Variants in CPNE7 observed in about 807,000 individuals in gnomAD.
CPNE7 encodes the protein copine 7, also known as copine-7.
Under a neutral mutation model 66.5 loss-of-function variants are expected in CPNE7, and 78 were observed. The ratio of observed to expected loss-of-function variants is 1.17; its 90% confidence interval spans 0.98 to 1.42. The LOEUF is 1.42. CPNE7 is among the 40% of genes most tolerant of loss of function. The pLI is 0.00. For synonymous variants in CPNE7, 468 were observed against 336.7 expected (o/e 1.39, Z -4.27); for missense variants, 1,012 against 776.6 (o/e 1.30, Z -3.60).
Position 89,576,005 on chromosome 16 carries a change from C to A in CPNE7, c.108C>A (p.Arg36=). ...LRLSCRHLLD[R]DPLTKSDPSV... Reference sequence around the variant, plus strand: ...TCAGCTGCCGGCACCTGCTGGACCGCGACCCGCTCACCAAGTCCGACCCCA... The same window carrying A: ...TCAGCTGCCGGCACCTGCTGGACCGAGACCCGCTCACCAAGTCCGACCCCA... The change falls in exon 1 of 15, where the codon CGC becomes CGA. Residue 36 remains arginine, a synonymous_variant. Transcript: ENST00000319518. 1 of 1,375,390 alleles carries A rather than the reference C, an allele frequency of 7.3e-7. No homozygotes were observed. The highest frequency in any genetic ancestry group is 9.4e-7 in the Non-Finnish European group (1 of 1,063,576). 85.2% of individuals were successfully genotyped at this position (1,375,390 alleles called of 1,614,324 possible).
At chr16:89,588,840 T>C (rs747662738) in intron 10 of CPNE7, 32 bp downstream of exon 10, 1 of 1,607,510 alleles carries the variant, frequency 6.2e-7, no homozygotes, top group East Asian at 2.2e-5. Context: ...CACCCCCTGG[T>C]CTCCAGGTCA....
At chr16:89,583,997 C>A in intron 3 of CPNE7, 31 bp from the exon 4 acceptor site, 1 of 1,610,040 alleles carries the variant, frequency 6.2e-7, no homozygotes, top group Non-Finnish European at 8.5e-7. Context: ...CCCACCTGGC[C>A]AAGCCTGGAG....
At chr16:89,587,601 C>T (rs2059075737) in intron 9 of CPNE7, 1 of 454,874 alleles carries the variant, frequency 2.2e-6, no homozygotes, top group African/African-American at 2.0e-5. Flanking sequence ...TTGAGTGAAC[C>T]AGCCACAGTC....
At chr16:89,577,310 C>G (rs1436546299) in intron 1 of CPNE7, among the ~76,000 whole-genome samples, 2 of 152,170 alleles carry the variant, frequency 1.3e-5, no homozygotes, top group African/African-American at 4.8e-5. Flanking sequence ...GTGAGCCTCA[C>G]TTTCCCCATC....
chr16:89,576,568 G>C (rs1405599039), intron 1 of CPNE7, among the ~76,000 whole-genome samples: 1 of 152,192 alleles, frequency 6.6e-6, no homozygotes, highest in South Asian at 2.1e-4. Context: ...CGCTGTGATC[G>C]CGGTTGGGGT....
intron 2 of CPNE7, 103 bp from the exon 3 acceptor site, chr16:89,583,594 G>A (rs1296260248): frequency 1.2e-6 from 2 of 1,605,656 alleles, no homozygotes; most frequent in South Asian, 1.1e-5. Flanking sequence ...GGGGGATGGG[G>A]AGACAGGACA....
intron 1 of CPNE7, 132 bp from the exon 2 acceptor site, chr16:89,577,407 G>T (rs1350758438): frequency 1.1e-6 from 1 of 892,626 alleles, no homozygotes; most frequent in East Asian, 2.7e-5. Flanking sequence ...ACAGAGAGCA[G>T]GCAGGAGGTC....
At chr16:89,593,132 G>A (rs930769618) in intron 13 of CPNE7, among the ~76,000 whole-genome samples, 2 of 151,774 alleles carry the variant, frequency 1.3e-5, no homozygotes, top group Non-Finnish European at 2.9e-5. Context: ...CCATTTTATT[G>A]TATCCAGTTC....
Position 89,577,567 on chromosome 16 carries a change from G to C in CPNE7, c.203G>C (p.Ser68Thr), listed in dbSNP as rs1427495708. 1 of 1,552,320 alleles carries C rather than the reference G, an allele frequency of 6.4e-7. No homozygotes were observed. Among genetic ancestry groups the C allele is most frequent in the South Asian group, 1.2e-5 (1 of 84,100 alleles). Residue 68 changes from serine to threonine, a missense_variant, in exon 2 of 15, where the codon AGC (serine) becomes ACC (threonine). Ser to Thr is a moderately conservative substitution (Grantham distance 58). Coordinates refer to ENST00000319518, the MANE Select transcript of CPNE7 (RefSeq NM_153636.3). ...QVGRTEVVRSSLHPVFSKVFT... is the reference protein window; with the variant it reads ...QVGRTEVVRSTLHPVFSKVFT... The stretch of plus-strand genomic sequence containing the variant: ...GGCAGAACCGAGGTGGTCCGGAGCA[G>C]CCTGCATCCCGTGTTCTCCAAGGTC...
intron 2 of CPNE7, among the ~76,000 whole-genome samples, chr16:89,579,447 C>T (rs1052359954): frequency 1.3e-5 from 2 of 151,978 alleles, no homozygotes; most frequent in Non-Finnish European, 2.9e-5. Context: ...TCACCCCTCA[C>T]ACGGAACATC....
At chr16:89,578,403 C>T (rs1289068498) in intron 2 of CPNE7, among the ~76,000 whole-genome samples, 1 of 152,126 alleles carries the variant, frequency 6.6e-6, no homozygotes, top group African/African-American at 2.4e-5. Context: ...ATTACGTTCC[C>T]TGTTCTGCAT....
rs1204550957 is a variant in CPNE7, at chr16:89,584,145, G to A, written c.507+43G>A. The stretch of plus-strand genomic sequence containing the variant: ...GCACGCCTGGCTCAGGCTGAGGTCC[G>A]GGAACCGGTTCGAAAACCCGGTCCC... On this transcript the variant is annotated intron_variant, in intron 4 of 14. Transcript: ENST00000319518. The surrounding 1 kb of genome is among the most constrained non-coding windows in gnomAD (Gnocchi z 6.0). 8.2e-6 allele frequency: 13 copies of A among 1,582,372 alleles called. No individual in the cohort carries two copies. The highest frequency in any genetic ancestry group is 1.7e-4 in the Middle Eastern group (1 of 5,936).
In CPNE7 at chr16:89,586,609, G is replaced by T. The variant is rs115792061; in HGVS notation, c.781-61G>T. On this transcript the variant is annotated intron_variant, in intron 7 of 14. Coordinates refer to ENST00000319518, the MANE Select transcript of CPNE7 (RefSeq NM_153636.3). ...GCTATTGGGGATGGTCTTGGGTAGGGTCTCCCTGGTAGGTGTTCAGAGCCA... is the reference window on the plus strand; with the variant it reads ...GCTATTGGGGATGGTCTTGGGTAGGTTCTCCCTGGTAGGTGTTCAGAGCCA... 1.1e-3 allele frequency: 1,601 copies of T among 1,395,520 alleles called. 9 individuals carry two copies. The African/African-American group carries it at 0.021, about 18-fold the overall frequency. The allele number at this position is 1,395,520 out of a possible 1,614,324, so 86.4% of individuals were successfully genotyped here.
At position 89,577,619 on chromosome 16, in the gene CPNE7, G is replaced by A. The variant is rs1383318054; in HGVS notation, c.255G>A (p.Glu85=). Residue 85 remains glutamate (E), a synonymous_variant, in exon 2 of 15, where the codon GAG becomes GAA. Coordinates refer to ENST00000319518, the MANE Select transcript of CPNE7 (RefSeq NM_153636.3). The stretch of plus-strand genomic sequence containing the variant: ...TCACGGTGGACTACTACTTCGAGGA[G>A]GTGCAGAGGCTGCGCTTTGAGGTGT... ...KVFTVDYYFE[E]VQRLRFEVYD... is the part of the protein sequence containing the mutation. 2.5e-6 allele frequency: 4 copies of A among 1,571,028 alleles called. No homozygotes were observed. The highest frequency in any genetic ancestry group is 1.7e-4 in the Middle Eastern group (1 of 6,028).
chr16:89,588,545 CCCAGCCCT>C, intron 9 of CPNE7, 122 bp from the exon 10 acceptor site: 4 of 1,162,326 alleles, frequency 3.4e-6, no homozygotes, highest in Non-Finnish European at 4.9e-6. Flanking sequence ...ACAGCAGCCC[CCCAGCCCT>C]ACCCACCTAC....
intron 2 of CPNE7, among the ~76,000 whole-genome samples, chr16:89,579,387 C>T (rs1033814154): frequency 2.6e-5 from 4 of 152,116 alleles, no homozygotes; most frequent in South Asian, 2.1e-4. Flanking sequence ...ACCCGTCACA[C>T]AGAACATCCC....
intron 2 of CPNE7, among the ~76,000 whole-genome samples, chr16:89,578,067 C>CTTT: frequency 8.8e-6 from 1 of 113,572 alleles, no homozygotes; most frequent in African/African-American, 3.1e-5. Flanking sequence ...TTTTCTTTTT[C>CTTT]TTTTTTTTTT....
intron 13 of CPNE7, among the ~76,000 whole-genome samples, chr16:89,592,810 C>CT (rs57297283): frequency 0.2 from 21,737 of 106,376 alleles, 3,187 homozygotes; most frequent in African/African-American, 0.33. Context: ...TTTTTCTTTT[C>CT]TTTTTTTTTT....
intron 10 of CPNE7, among the ~76,000 whole-genome samples, chr16:89,589,584 G>C (rs2059138277): frequency 6.6e-6 from 1 of 152,186 alleles, no homozygotes; most frequent in South Asian, 2.1e-4. Context: ...GGCCACAGTG[G>C]GTTCCTTGGC....
Sources: gnomAD v4.1 joint callset for allele counts (sites outside exome capture counted in the v4.1 genomes callset) on GRCh38, gnomAD v4.1.1 for gene constraint, Gnocchi (gnomAD v3.1) non-coding constraint, MANE v1.5 for transcripts, NCBI Gene and HGNC (gene_info 2026-07-23, HGNC 2026-07-21) for gene names.